The following KCNG3 variants were observed in gnomAD, a reference collection of about 807,000 sequenced individuals.
KCNG3 encodes potassium voltage-gated channel modifier subfamily G member 3, also known as voltage-gated potassium channel regulatory subunit KCNG3.
KCNG3 carries 15 observed loss-of-function variants against 29.0 expected under a neutral mutation model. The ratio of observed to expected loss-of-function variants is 0.52; its 90% CI spans 0.35 to 0.80. The LOEUF (loss-of-function observed/expected upper bound fraction) is 0.80, where lower values mean the gene tolerates loss of function less well. Among genes scored for constraint, KCNG3 ranks in the 30% least tolerant of loss-of-function variants. The pLI, the probability that KCNG3 is intolerant of heterozygous loss-of-function variation, is 0.01. For synonymous variants in KCNG3, 322 were observed against 248.9 expected (o/e 1.29, Z -2.76); for missense variants, 512 against 605.7 (o/e 0.85, Z 1.62).
intron 1 of KCNG3, among the ~76,000 whole-genome samples, chr2:42,480,837 G>A (rs966487330): frequency 2.7e-5 from 4 of 150,866 alleles, no homozygotes; most frequent in African/African-American, 9.8e-5. Context: ...AGGCTAGAGT[G>A]CAGTGGCGTG....
chr2:42,482,414 C>CA (rs1673610521), intron 1 of KCNG3, among the ~76,000 whole-genome samples: 1 of 152,056 alleles, frequency 6.6e-6, no homozygotes, highest in African/African-American at 2.4e-5. Context: ...TCTGTCTCTA[C>CA]AAAAAATTTA....
At chr2:42,429,333 C>T in the KCNG3 span, among the ~76,000 whole-genome samples, 1 of 152,174 alleles carries the variant, frequency 6.6e-6, no homozygotes, top group Admixed American at 6.5e-5. Context: ...ATTAGCTGAA[C>T]ATGCCAATGA....
At chr2:42,445,495 C>T (rs1450198528) in intron 1 of KCNG3, among the ~76,000 whole-genome samples, 1 of 152,162 alleles carries the variant, frequency 6.6e-6, no homozygotes, top group African/African-American at 2.4e-5. Flanking sequence ...CAGGTCACAA[C>T]TATCCTAAAA....
intron 1 of KCNG3, among the ~76,000 whole-genome samples, chr2:42,488,273 T>C (rs540189569): frequency 2.0e-5 from 3 of 152,240 alleles, no homozygotes; most frequent in Non-Finnish European, 4.4e-5. Flanking sequence ...AAACTTTAGA[T>C]TGTGCACTGT....
intron 1 of KCNG3, among the ~76,000 whole-genome samples, chr2:42,465,450 C>G (rs976111869): frequency 6.6e-6 from 1 of 152,042 alleles, no homozygotes; most frequent in Non-Finnish European, 1.5e-5. Context: ...CTCCTGGGCT[C>G]AAGTGATCCA....
At position 42,493,927 on chromosome 2, in the gene KCNG3, C is replaced by T. The variant is rs2103623456; in HGVS notation, c.-426G>A. On this transcript the variant is annotated 5_prime_UTR_variant, in exon 1 of 2. Coordinates refer to ENST00000306078, the MANE Select transcript of KCNG3 (RefSeq NM_133329.6). ...AATAGCTCCCCGTCTCCGGCGCTCC[C>T]TGCGGCCGCGAATCCGGCGGCCGCC... is the stretch of plus-strand genomic sequence containing the variant. 6.3e-6 allele frequency: 1 copy of T among 158,070 alleles called. No homozygotes were observed. The highest frequency in any genetic ancestry group is 1.8e-4 in the East Asian group (1 of 5,510). The allele number at this position is 158,070 out of a possible 1,614,324, so 9.8% of individuals were successfully genotyped here.
At chr2:42,433,757 C>CA in the KCNG3 span, among the ~76,000 whole-genome samples, 4 of 151,798 alleles carry the variant, frequency 2.6e-5, no homozygotes, top group African/African-American at 7.2e-5. Flanking sequence ...CAAAACAAAA[C>CA]AAAAAAACAA....
chr2:42,464,391 T>C (rs1673090941), intron 1 of KCNG3, among the ~76,000 whole-genome samples: 1 of 152,010 alleles, frequency 6.6e-6, no homozygotes, highest in African/African-American at 2.4e-5. Context: ...TAAACAAAGG[T>C]AGGGATATTT....
At chr2:42,492,778 G>C (rs1673928502) in intron 1 of KCNG3, 59 bp downstream of exon 1, 2 of 1,366,342 alleles carry the variant, frequency 1.5e-6, no homozygotes, top group East Asian at 5.7e-5. Context: ...GGGACGTATG[G>C]ACGGGACGGA....
rs953669078 is a variant in KCNG3, at chr2:42,493,585, T to C, written c.-84A>G. 8.3e-7 allele frequency: 1 copy of C among 1,203,976 alleles called. No individual in the cohort carries two copies. The highest frequency in any genetic ancestry group is 1.0e-6 in the Non-Finnish European group (1 of 961,244). 74.6% of individuals were successfully genotyped at this position (1,203,976 alleles called of 1,614,324 possible). On this transcript the variant is annotated 5_prime_UTR_variant, in exon 1 of 2. Transcript: ENST00000306078. ...CCGCCACGCGGGGCCTGCCTGCCCG[T>C]GGCTGACGGGGGAGCGCGCCGTCGG... is the stretch of plus-strand genomic sequence containing the variant.
chr2:42,473,777 C>T (rs1220481199), intron 1 of KCNG3, among the ~76,000 whole-genome samples: 1 of 152,068 alleles, frequency 6.6e-6, no homozygotes, highest in Non-Finnish European at 1.5e-5. Flanking sequence ...TTAAATTTTG[C>T]TTTATTTTCA....
the KCNG3 span, among the ~76,000 whole-genome samples, chr2:42,436,371 T>G: frequency 2.8e-4 from 43 of 152,236 alleles, no homozygotes; most frequent in Non-Finnish European, 5.7e-4. Flanking sequence ...TAACAAATTG[T>G]ATGGCATACG....
At chr2:42,449,267 G>A (rs35955117) in intron 1 of KCNG3, among the ~76,000 whole-genome samples, 47,281 of 151,404 alleles carry the variant, frequency 0.31, 7,838 homozygotes, top group Admixed American at 0.47. Flanking sequence ...ATGATTGGGG[G>A]AAAAAACAAA....
chr2:42,393,145 G>A, the KCNG3 span, among the ~76,000 whole-genome samples: 1 of 151,662 alleles, frequency 6.6e-6, no homozygotes, highest in East Asian at 1.9e-4. Context: ...TTGGTAGTAA[G>A]AGAATTAACT....
chr2:42,489,792 T>C (rs951852254), intron 1 of KCNG3, among the ~76,000 whole-genome samples: 1 of 152,182 alleles, frequency 6.6e-6, no homozygotes, highest in African/African-American at 2.4e-5. Context: ...TCCTGGAAAG[T>C]CCACTTCATC....
chr2:42,466,847 G>A (rs1200719693), intron 1 of KCNG3, among the ~76,000 whole-genome samples: 2 of 151,158 alleles, frequency 1.3e-5, no homozygotes, highest in Non-Finnish European at 2.9e-5. Flanking sequence ...CTGCCACCCG[G>A]GTTCAAGCGA....
chr2:42,447,153 C>T (rs1286503414), intron 1 of KCNG3, among the ~76,000 whole-genome samples: 2 of 146,258 alleles, frequency 1.4e-5, no homozygotes, highest in Non-Finnish European at 3.0e-5. Context: ...CCACCCAATT[C>T]CCCTCCCTGG....
chr2:42,400,541 C>T, the KCNG3 span, among the ~76,000 whole-genome samples: 1 of 152,064 alleles, frequency 6.6e-6, no homozygotes, highest in African/African-American at 2.4e-5. Flanking sequence ...CCAAACACCC[C>T]CTCCTTGTCA....
intron 1 of KCNG3, among the ~76,000 whole-genome samples, chr2:42,484,969 T>C (rs1188707479): frequency 6.6e-6 from 1 of 152,244 alleles, no homozygotes; most frequent in African/African-American, 2.4e-5. Context: ...GTAAAAGCAC[T>C]AAGACTTTCA....
Sources: gnomAD v4.1 joint callset for allele counts (sites outside exome capture counted in the v4.1 genomes callset) on GRCh38, gnomAD v4.1.1 for gene constraint, MANE v1.5 for transcripts, NCBI Gene and HGNC (gene_info 2026-07-23, HGNC 2026-07-21) for gene names.